Variants in MACC1 observed in about 807,000 individuals in gnomAD.
The protein encoded by MACC1 is metastasis-associated in colon cancer protein 1.
Under a neutral mutation model 70.7 loss-of-function variants are expected in MACC1, and 79 were observed. The observed-to-expected ratio is 1.12, with a 90% confidence interval of 0.93 to 1.35. The LOEUF is 1.35. Among genes scored for constraint, MACC1 ranks in the 40% most tolerant of loss-of-function variants. The pLI, the probability that MACC1 is intolerant of heterozygous loss-of-function variation, is 0.00. For synonymous variants in MACC1, 361 were observed against 347.2 expected (o/e 1.04, Z -0.44); for missense variants, 1,106 against 978.1 (o/e 1.13, Z -1.74).
At position 20,161,783 on chromosome 7, in the gene MACC1, T is replaced by C. The variant is rs775801025; in HGVS notation, c.80A>G (p.Glu27Gly). Residue 27 changes from glutamate to glycine, a missense_variant, in exon 4 of 7, where the codon GAA becomes GGA. Coordinates refer to ENST00000400331, the MANE Select transcript of MACC1 (RefSeq NM_182762.4). ...SMSEANLIDM[E>G]AGKLSKSCNI... ...GCAACTTTTTGAGAGTTTTCCAGCT[T>C]CCATGTCAATCAAATTTGCTTCAGA... The C allele has an allele frequency of 4.3e-6, 7 of 1,612,368 alleles. No homozygotes were observed. In the Admixed American group the frequency reaches 1.2e-4, roughly 27 times the overall value.
At chr7:20,171,181 A>G (rs1023919099) in intron 1 of MACC1, among the ~76,000 whole-genome samples, 1 of 152,168 alleles carries the variant, frequency 6.6e-6, no homozygotes, top group Admixed American at 6.5e-5. Context: ...GATTCAGCTG[A>G]ACAAAAGTAT....
chr7:20,165,500 AT>A (rs1159332474), intron 2 of MACC1, among the ~76,000 whole-genome samples: 1 of 149,084 alleles, frequency 6.7e-6, no homozygotes, highest in Non-Finnish European at 1.5e-5. Context: ...CTAAATCTAA[AT>A]TTTTTTCTAT....
chr7:20,163,097 T>C (rs1274105514), intron 3 of MACC1, among the ~76,000 whole-genome samples: 2 of 152,064 alleles, frequency 1.3e-5, no homozygotes, highest in Non-Finnish European at 2.9e-5. Flanking sequence ...AACAACACTA[T>C]AGAAATTTTT....
chr7:20,166,333 T>C (rs1782218104), intron 2 of MACC1, among the ~76,000 whole-genome samples: 1 of 152,170 alleles, frequency 6.6e-6, no homozygotes, highest in South Asian at 2.1e-4. Context: ...TTGTATTACT[T>C]GTAAATGCAA....
intron 6 of MACC1, among the ~76,000 whole-genome samples, chr7:20,152,037 A>G (rs1781986916): frequency 6.6e-6 from 1 of 152,158 alleles, no homozygotes; most frequent in African/African-American, 2.4e-5. Flanking sequence ...TATTGAAAGG[A>G]TTACATTAAT....
chr7:20,214,122 G>A (rs1380916556), intron 1 of MACC1, among the ~76,000 whole-genome samples: 1 of 151,946 alleles, frequency 6.6e-6, no homozygotes, highest in Admixed American at 6.6e-5. Flanking sequence ...CAATCCTCCT[G>A]CACACTATGC....
chr7:20,179,249 A>G (rs895698936), intron 1 of MACC1, among the ~76,000 whole-genome samples: 1 of 152,196 alleles, frequency 6.6e-6, no homozygotes, highest in African/African-American at 2.4e-5. Context: ...ACAGAAAAAA[A>G]AAATTCCATC....
In MACC1 at chr7:20,158,574, T is replaced by C. The variant is rs1157444865; in HGVS notation, c.1787A>G (p.Glu596Gly). 1 of 1,614,040 alleles carries C rather than the reference T, an allele frequency of 6.2e-7. No homozygotes were observed. Among genetic ancestry groups the C allele is most frequent in the South Asian group, 1.1e-5 (1 of 91,044 alleles). ...VKAIGQSKVK[E>G]WYVGVLRGKI... ...ACCTCTGAGGACTCCTACATACCATTCTTTCACTTTGGACTGACCAATAGC... is the reference window on the plus strand; with the variant it reads ...ACCTCTGAGGACTCCTACATACCATCCTTTCACTTTGGACTGACCAATAGC... Residue 596 changes from glutamate to glycine, a missense_variant, in exon 5 of 7, where the codon GAA becomes GGA. Glu to Gly is a moderately conservative substitution (Grantham distance 98). Transcript: ENST00000400331.
intron 1 of MACC1, among the ~76,000 whole-genome samples, chr7:20,210,264 A>C (rs1430017005): frequency 6.6e-6 from 1 of 152,148 alleles, no homozygotes; most frequent in Admixed American, 6.5e-5. Flanking sequence ...TTTTTCAAGC[A>C]AATTTCTTTA....
chr7:20,151,402 G>A (rs1781975728), intron 6 of MACC1, among the ~76,000 whole-genome samples: 2 of 152,084 alleles, frequency 1.3e-5, no homozygotes, highest in Admixed American at 6.5e-5. Context: ...TAACTTTCAC[G>A]GAAGAACCTT....
At chr7:20,174,561 C>T (rs1442997687) in intron 1 of MACC1, among the ~76,000 whole-genome samples, 2 of 152,046 alleles carry the variant, frequency 1.3e-5, no homozygotes, top group African/African-American at 4.8e-5. Flanking sequence ...ATACAGCTTG[C>T]AGAGTTTTTT....
intron 6 of MACC1, among the ~76,000 whole-genome samples, chr7:20,150,844 C>T (rs779435273): frequency 4.6e-5 from 7 of 151,986 alleles, no homozygotes; most frequent in South Asian, 2.1e-4. Flanking sequence ...GTCAGGAGTT[C>T]GAGACCAGCC....
At chr7:20,144,510 T>C (rs969074908) in intron 6 of MACC1, among the ~76,000 whole-genome samples, 2 of 152,220 alleles carry the variant, frequency 1.3e-5, no homozygotes, top group Non-Finnish European at 2.9e-5. Context: ...AGCTTGGAAT[T>C]TTTTTAATCT....
At chr7:20,152,388 G>A (rs764776221) in intron 6 of MACC1, among the ~76,000 whole-genome samples, 1 of 152,064 alleles carries the variant, frequency 6.6e-6, no homozygotes, top group East Asian at 1.9e-4. Context: ...TCATATTTAG[G>A]AATCTCCTCC....
At chr7:20,155,301 G>C (rs28455678) in intron 5 of MACC1, among the ~76,000 whole-genome samples, 2,774 of 152,296 alleles carry the variant, frequency 0.018, 63 homozygotes, top group Admixed American at 0.067. Context: ...TGAAACTGCA[G>C]ATAGTACCAA....
chr7:20,183,201 T>A (rs1016565169), intron 1 of MACC1, among the ~76,000 whole-genome samples: 3 of 152,202 alleles, frequency 2.0e-5, no homozygotes, highest in African/African-American at 7.2e-5. Context: ...AGAAGAGGAA[T>A]TCAGAGATTA....
chr7:20,187,400 T>G (rs1286591295), intron 1 of MACC1, among the ~76,000 whole-genome samples: 1 of 152,178 alleles, frequency 6.6e-6, no homozygotes, highest in Non-Finnish European at 1.5e-5. Flanking sequence ...GGGAATCCTT[T>G]GATTCTAACA....
At chr7:20,171,279 T>A (rs1480867935) in intron 1 of MACC1, among the ~76,000 whole-genome samples, 1 of 150,658 alleles carries the variant, frequency 6.6e-6, no homozygotes, top group Non-Finnish European at 1.5e-5. Context: ...TGAGGTGGAG[T>A]CTTGCTCTGT....
At chr7:20,141,812 A>G (rs924523396) in intron 6 of MACC1, 1 of 152,152 alleles carries the variant, frequency 6.6e-6, no homozygotes. Context: ...TTCCATAGAA[A>G]TAAATGTACG....
Sources: gnomAD v4.1 joint callset for allele counts (sites outside exome capture counted in the v4.1 genomes callset) on GRCh38, gnomAD v4.1.1 for gene constraint, MANE v1.5 for transcripts, NCBI Gene and HGNC (gene_info 2026-07-23, HGNC 2026-07-21) for gene names.